THEMIS: variants seen among roughly 807,000 people sequenced by gnomAD.
THEMIS encodes thymocyte selection associated, also known as protein THEMIS.
In THEMIS, 37 loss-of-function variants were observed where a neutral mutation model predicts 52.6. The observed-to-expected ratio is 0.70, with a 90% confidence interval of 0.54 to 0.93. THEMIS has a LOEUF of 0.93. Among genes scored for constraint, THEMIS ranks in the 40% least tolerant of loss-of-function variants. The pLI is 0.00. For missense variants in THEMIS, 808 were observed against 763.1 expected (o/e 1.06, Z -0.69); for synonymous variants, 292 against 272.7 (o/e 1.07, Z -0.70).
At chr6:127,767,996 G>A (rs1354038394) in intron 4 of THEMIS, among the ~76,000 whole-genome samples, 3 of 152,144 alleles carry the variant, frequency 2.0e-5, no homozygotes, top group East Asian at 1.9e-4. Context: ...TATTTGTTCC[G>A]TGGGTCTGAT....
chr6:127,857,366 T>C, intron 1 of THEMIS, among the ~76,000 whole-genome samples: 1 of 151,800 alleles, frequency 6.6e-6, no homozygotes, highest in East Asian at 1.9e-4. Flanking sequence ...GCAGAGGAAA[T>C]AGTATTTGAA....
At chr6:127,848,589 G>T (rs1050877132) in intron 2 of THEMIS, among the ~76,000 whole-genome samples, 18 of 152,176 alleles carry the variant, frequency 1.2e-4, no homozygotes, top group African/African-American at 4.3e-4. Context: ...AGCCCCTGTT[G>T]TTTCCTGACT....
chr6:127,711,416 C>T (rs1773978103), intron 5 of THEMIS, among the ~76,000 whole-genome samples: 2 of 151,952 alleles, frequency 1.3e-5, no homozygotes. Flanking sequence ...GCGATTTCTC[C>T]ACATACCTTG....
chr6:127,852,512 T>A (rs1254902250), intron 2 of THEMIS, among the ~76,000 whole-genome samples: 1 of 151,482 alleles, frequency 6.6e-6, no homozygotes, highest in African/African-American at 2.4e-5. Context: ...AAGGATTGAG[T>A]CATACAAAAT....
chr6:127,801,173 C>T (rs979799495), intron 4 of THEMIS, among the ~76,000 whole-genome samples: 1 of 152,176 alleles, frequency 6.6e-6, no homozygotes, highest in Non-Finnish European at 1.5e-5. Flanking sequence ...TGACTCTATA[C>T]ATAATACCTT....
intron 4 of THEMIS, among the ~76,000 whole-genome samples, chr6:127,772,276 A>AT (rs777119215): frequency 6.6e-6 from 1 of 151,750 alleles, no homozygotes; most frequent in Non-Finnish European, 1.5e-5. Flanking sequence ...CAAGATAATT[A>AT]TTTTTCTCAC....
intron 4 of THEMIS, among the ~76,000 whole-genome samples, chr6:127,770,539 G>C (rs1239648443): frequency 6.6e-6 from 1 of 151,958 alleles, no homozygotes; most frequent in Non-Finnish European, 1.5e-5. Context: ...TTGTCACAGG[G>C]GTAGATTGCA....
At chr6:127,855,670 T>A (rs1004074251) in intron 1 of THEMIS, among the ~76,000 whole-genome samples, 1 of 151,974 alleles carries the variant, frequency 6.6e-6, no homozygotes, top group African/African-American at 2.4e-5. Flanking sequence ...TTCTCTTCAT[T>A]AGCATGAAAG....
downstream of THEMIS, among the ~76,000 whole-genome samples, chr6:127,703,776 A>T (rs564760232): frequency 6.6e-6 from 1 of 152,232 alleles, no homozygotes; most frequent in Non-Finnish European, 1.5e-5. Flanking sequence ...AAGCTAGGAT[A>T]TCTCCTCAGA....
chr6:127,748,488 C>T (rs941688112), intron 4 of THEMIS, among the ~76,000 whole-genome samples: 1 of 152,038 alleles, frequency 6.6e-6, no homozygotes, highest in African/African-American at 2.4e-5. Flanking sequence ...GAAAATTAAC[C>T]CAGTCCTGCA....
intron 2 of THEMIS, among the ~76,000 whole-genome samples, chr6:127,849,151 C>A (rs1321439093): frequency 1.3e-5 from 2 of 151,998 alleles, no homozygotes; most frequent in African/African-American, 4.8e-5. Flanking sequence ...TATGGCTAGC[C>A]AGTTTTCCCA....
At chr6:127,748,948 T>C (rs999759419) in intron 4 of THEMIS, among the ~76,000 whole-genome samples, 23 of 152,102 alleles carry the variant, frequency 1.5e-4, no homozygotes, top group Non-Finnish European at 1.5e-5. Context: ...TCTGAACTTT[T>C]ATTGATATTA....
chr6:127,831,371 G>C (rs1778694470), intron 2 of THEMIS, among the ~76,000 whole-genome samples: 1 of 151,970 alleles, frequency 6.6e-6, no homozygotes, highest in Non-Finnish European at 1.5e-5. Context: ...GAGAAAATGA[G>C]GACAAAGAAG....
intron 4 of THEMIS, among the ~76,000 whole-genome samples, chr6:127,812,037 G>C (rs566740972): frequency 6.6e-6 from 1 of 152,262 alleles, no homozygotes; most frequent in South Asian, 2.1e-4. Context: ...GCCTCTCTTT[G>C]TTTTACTAAT....
At chr6:127,891,184 T>C (rs1780793686) in intron 1 of THEMIS, among the ~76,000 whole-genome samples, 1 of 152,130 alleles carries the variant, frequency 6.6e-6, no homozygotes, top group Non-Finnish European at 1.5e-5. Flanking sequence ...AAATCTTGAA[T>C]TCATCCTTTA....
chr6:127,720,906 T>C (rs1255191006), intron 4 of THEMIS, among the ~76,000 whole-genome samples: 5 of 151,942 alleles, frequency 3.3e-5, no homozygotes, highest in African/African-American at 1.2e-4. Context: ...GTGGACTGGA[T>C]GTATGGATAG....
chr6:127,901,670 T>C (rs1227144368), upstream of THEMIS, among the ~76,000 whole-genome samples: 1 of 151,966 alleles, frequency 6.6e-6, no homozygotes, highest in Admixed American at 6.6e-5. Context: ...TAGTAGAAAG[T>C]ATTAAAATTA....
At chr6:127,729,712 A>G (rs1774691464) in intron 4 of THEMIS, among the ~76,000 whole-genome samples, 1 of 152,134 alleles carries the variant, frequency 6.6e-6, no homozygotes, top group South Asian at 2.1e-4. Context: ...TTTCTGCCAA[A>G]CTTTAACAAG....
At chr6:127,807,275 G>T (rs1488848744) in intron 4 of THEMIS, 3 of 219,040 alleles carry the variant, frequency 1.4e-5, no homozygotes, top group South Asian at 4.4e-5. Flanking sequence ...GCAGAGAATT[G>T]CTTGAACCCG....
Sources: gnomAD v4.1 joint callset for allele counts (sites outside exome capture counted in the v4.1 genomes callset) on GRCh38, gnomAD v4.1.1 for gene constraint, MANE v1.5 for transcripts, NCBI Gene and HGNC (gene_info 2026-07-23, HGNC 2026-07-21) for gene names.